The following FRAS1 variants were observed in gnomAD, a reference collection of about 807,000 sequenced individuals.
FRAS1 encodes the protein extracellular matrix organizing protein FRAS1.
In FRAS1, 290 loss-of-function variants were observed where a neutral mutation model predicts 435.2. The observed-to-expected ratio is 0.67, with a 90% confidence interval of 0.61 to 0.73. FRAS1 has a LOEUF of 0.73. Ranked by LOEUF, FRAS1 falls within the 30% of genes least tolerant of loss-of-function variation. The pLI is 0.00. For missense variants in FRAS1, 4,860 were observed against 5,001.5 expected (o/e 0.97, Z 0.85); for synonymous variants, 1,800 against 1,851.0 (o/e 0.97, Z 0.71).
chr4:78,488,091 C>T (rs1336465969), intron 58 of FRAS1, among the ~76,000 whole-genome samples: 1 of 152,152 alleles, frequency 6.6e-6, no homozygotes, highest in Admixed American at 6.5e-5. Flanking sequence ...TGAGATTGTG[C>T]CACTGCACTC....
intron 19 of FRAS1, among the ~76,000 whole-genome samples, chr4:78,336,923 G>T (rs11936582): frequency 0.079 from 12,046 of 152,126 alleles, 618 homozygotes; most frequent in East Asian, 0.27. Flanking sequence ...AGCTGCAGCC[G>T]CCTCTGATTC....
At chr4:78,301,004 G>C (rs1275230706) in intron 14 of FRAS1, among the ~76,000 whole-genome samples, 1 of 152,086 alleles carries the variant, frequency 6.6e-6, no homozygotes, top group African/African-American at 2.4e-5. Flanking sequence ...CTTTTTTGGG[G>C]AGAAAAAGTG....
chr4:78,101,110 C>T (rs1742105599), intron 2 of FRAS1, among the ~76,000 whole-genome samples: 1 of 142,284 alleles, frequency 7.0e-6, no homozygotes, highest in Non-Finnish European at 1.6e-5. Context: ...AGATGAATAA[C>T]TCGATTTTTT....
chr4:78,414,002 A>G (rs1733456767), intron 32 of FRAS1, among the ~76,000 whole-genome samples: 2 of 152,216 alleles, frequency 1.3e-5, no homozygotes, highest in South Asian at 4.1e-4. Context: ...CACCCACACA[A>G]TTACACTCCA....
chr4:78,285,157 C>T (rs555066186), intron 13 of FRAS1, among the ~76,000 whole-genome samples: 89 of 152,160 alleles, frequency 5.8e-4, no homozygotes, highest in African/African-American at 2.1e-3. Flanking sequence ...ATCCTAGTTA[C>T]TATTCCCCTT....
chr4:78,308,014 G>A lies in FRAS1; in HGVS notation c.1535-52G>A, dbSNP rs1728856948. ...CTAAAATATTTAAAAGAAAAATGATGACCAGTCCTTTCTGCCGTAGATTAC... is the reference window on the plus strand; with the variant it reads ...CTAAAATATTTAAAAGAAAAATGATAACCAGTCCTTTCTGCCGTAGATTAC... On this transcript the variant is annotated intron_variant, in intron 14 of 73. Coordinates refer to ENST00000512123, the MANE Select transcript of FRAS1 (RefSeq NM_025074.7). The A allele has an allele frequency of 3.9e-6, 6 of 1,526,660 alleles. No individual in the cohort carries two copies. The East Asian group carries it at 1.4e-4, about 35-fold the overall frequency. 94.6% of individuals were successfully genotyped at this position (1,526,660 alleles called of 1,614,324 possible).
intron 2 of FRAS1, among the ~76,000 whole-genome samples, chr4:78,192,150 A>G (rs1332963231): frequency 6.6e-6 from 1 of 152,176 alleles, no homozygotes. Context: ...CATGGTGGAT[A>G]AGCTTTTTGA....
At chr4:78,434,302 A>C (rs998006217) in intron 38 of FRAS1, among the ~76,000 whole-genome samples, 1 of 152,228 alleles carries the variant, frequency 6.6e-6, no homozygotes, top group Non-Finnish European at 1.5e-5. Context: ...GTGGTCTTAT[A>C]TACACAGTTT....
At chr4:78,249,323 CTTT>C (rs11308579) in intron 4 of FRAS1, among the ~76,000 whole-genome samples, 5 of 47,204 alleles carry the variant, frequency 1.1e-4, no homozygotes, top group African/African-American at 3.7e-4. Flanking sequence ...GCAGTGGAGC[CTTT>C]TTTTTTTTTT....
At chr4:78,322,754 A>G (rs1358365510) in intron 18 of FRAS1, among the ~76,000 whole-genome samples, 1 of 152,200 alleles carries the variant, frequency 6.6e-6, no homozygotes, top group Non-Finnish European at 1.5e-5. Flanking sequence ...ATCAAAAGGA[A>G]CACTACTTAT....
intron 30 of FRAS1, among the ~76,000 whole-genome samples, chr4:78,401,523 A>G (rs2110346183): frequency 1.3e-5 from 2 of 152,314 alleles, no homozygotes; most frequent in Non-Finnish European, 2.9e-5. Flanking sequence ...TAGCTTCTCC[A>G]AAAGGGGTTG....
chr4:78,213,610 T>A (rs1723612110), intron 2 of FRAS1, among the ~76,000 whole-genome samples: 1 of 152,252 alleles, frequency 6.6e-6, no homozygotes, highest in Admixed American at 6.5e-5. Flanking sequence ...TTAAAATGTA[T>A]AACAGATATA....
chr4:78,129,126 G>C (rs1382363823), intron 2 of FRAS1, among the ~76,000 whole-genome samples: 2 of 152,106 alleles, frequency 1.3e-5, no homozygotes, highest in Non-Finnish European at 2.9e-5. Context: ...CTCTGTTTTG[G>C]TACCAGTAGC....
intron 9 of FRAS1, among the ~76,000 whole-genome samples, chr4:78,272,743 C>T (rs1261070573): frequency 2.8e-4 from 42 of 152,118 alleles, no homozygotes; most frequent in African/African-American, 1.7e-4. Flanking sequence ...AGTCAGGTAG[C>T]GTGATGCCTC....
intron 59 of FRAS1, among the ~76,000 whole-genome samples, chr4:78,489,985 A>AAAAAAAAAAAAAAAC (rs1720299351): frequency 6.6e-6 from 1 of 150,986 alleles, no homozygotes; most frequent in East Asian, 1.9e-4. Context: ...AAAAAAAAAA[A>AAAAAAAAAAAAAAAC]AAGAAAAGCA....
At chr4:78,304,925 G>T (rs1156379270) in intron 14 of FRAS1, among the ~76,000 whole-genome samples, 6 of 152,130 alleles carry the variant, frequency 3.9e-5, no homozygotes, top group African/African-American at 1.2e-4. Flanking sequence ...GTTTGCACTT[G>T]CTTTTCTAGT....
At chr4:78,146,099 C>T (rs1578151792) in intron 2 of FRAS1, among the ~76,000 whole-genome samples, 3 of 152,194 alleles carry the variant, frequency 2.0e-5, no homozygotes, top group African/African-American at 7.2e-5. Context: ...TACCCAGAAC[C>T]CGAACATTGT....
At chr4:78,398,046 TG>T (rs1732743908) in intron 29 of FRAS1, among the ~76,000 whole-genome samples, 1 of 152,128 alleles carries the variant, frequency 6.6e-6, no homozygotes. Context: ...CATCTGCAGA[TG>T]GTTGTGAAAA....
chr4:78,482,524 C>T lies in FRAS1; in HGVS notation c.8741C>T (p.Thr2914Ile). Residue 2914 changes from threonine (T) to isoleucine (I), a missense_variant, in exon 58 of 74, where the codon ACA becomes ATA. Physicochemically the swap from Thr to Ile is moderately conservative, Grantham distance 89 (BLOSUM62 -1). Coordinates refer to ENST00000512123, the MANE Select transcript of FRAS1 (RefSeq NM_025074.7). ...PFQAVIAIND[T>I]FQDVPSMQFA... ...CAGGCAGTCATTGCAATTAATGACA[C>T]ATTCCAAGATGGTAAGAGATTGGGG... 1.2e-6 allele frequency: 2 copies of T among 1,613,758 alleles called. No individual in the cohort carries two copies. The highest frequency in any genetic ancestry group is 1.7e-6 in the Non-Finnish European group (2 of 1,179,792).
Sources: allele counts gnomAD v4.1 joint callset (sites outside exome capture counted in the v4.1 genomes callset), GRCh38; gene constraint gnomAD v4.1.1; transcripts MANE v1.5; gene names NCBI Gene and HGNC (gene_info 2026-07-23, HGNC 2026-07-21).